Variants in PCDHGA2 observed in about 807,000 individuals in gnomAD.
The protein encoded by PCDHGA2 is protocadherin gamma-A2.
PCDHGA2 carries 40 observed loss-of-function variants against 59.2 expected under a neutral mutation model. The observed-to-expected ratio is 0.68, with a 90% CI of 0.52 to 0.88. The LOEUF (loss-of-function observed/expected upper bound fraction) is 0.88. Among genes scored for constraint, PCDHGA2 ranks in the 40% least tolerant of loss-of-function variants. The probability of loss-of-function intolerance (pLI) is 0.00; values close to 1 mark genes in which losing one functional copy is unlikely to be tolerated. For missense variants in PCDHGA2, 1,226 were observed against 1,204.0 expected (o/e 1.02, Z -0.27); for synonymous variants, 560 against 526.0 (o/e 1.06, Z -0.89).
In PCDHGA2 at chr5:141,364,151, G is replaced by T. The variant is rs1285824596; in HGVS notation, c.2424+22756G>T. The T allele has an allele frequency of 1.1e-5, 6 of 558,010 alleles. No individual in the cohort carries two copies. The African/African-American group carries it at 1.2e-4, about 11-fold the overall frequency. 34.6% of individuals were successfully genotyped at this position (558,010 alleles called of 1,614,324 possible). ...TGTTGACCAAAGTGGGAAAGAAGCT[G>T]CCGCAGAGGCGACCCGACTCTGCTC... On this transcript the variant is annotated intron_variant, in intron 1 of 3. Transcript: ENST00000394576.
At chr5:141,390,405 T>C in intron 1 of PCDHGA2, 1 of 1,264,524 alleles carries the variant, frequency 7.9e-7, no homozygotes, top group Non-Finnish European at 1.1e-6. Flanking sequence ...TTTAGGAAAG[T>C]TGTAGTCAGT....
In PCDHGA2 at chr5:141,400,400, C is replaced by T. The variant is rs375490385; in HGVS notation, c.2424+59005C>T. On this transcript the variant is annotated intron_variant, in intron 1 of 3. Coordinates refer to ENST00000394576, the MANE Select transcript of PCDHGA2 (RefSeq NM_018915.4). ...CTATGTGTTGCACATACAGGAAAGA[C>T]GGAGTTTAATTTCCTAAAATGTAGT... 65 of 1,614,000 alleles carry T rather than the reference C, an allele frequency of 4.0e-5. No individual in the cohort carries two copies. Among genetic ancestry groups the T allele is most frequent in the South Asian group, 3.8e-4 (35 of 91,078 alleles).
chr5:141,346,227 T>C, intron 1 of PCDHGA2: 1 of 1,614,224 alleles, frequency 6.2e-7, no homozygotes, highest in Non-Finnish European at 8.5e-7. Flanking sequence ...GGGAGGCGGC[T>C]TGGCGAGTAC....
chr5:141,461,040 G>A (rs536064886), intron 1 of PCDHGA2, among the ~76,000 whole-genome samples: 123 of 150,514 alleles, frequency 8.2e-4, no homozygotes, highest in East Asian at 2.5e-3. Flanking sequence ...CTCATTAGTC[G>A]ATGGGGACTT....
At position 141,339,989 on chromosome 5, in the gene PCDHGA2, G is replaced by A. The variant is rs144241311; in HGVS notation, c.1018G>A (p.Val340Met). Reference sequence around the variant, plus strand: ...GAAGGTTATCGTCACGGTTCTGGATGTGAATGACAATGCCCCAGAATTTTA... The same window carrying A: ...GAAGGTTATCGTCACGGTTCTGGATATGAATGACAATGCCCCAGAATTTTA... ...RAKVIVTVLD[V>M]NDNAPEFYMT... The change falls in exon 1 of 4, where the codon GTG becomes ATG. Residue 340 changes from valine (V) to methionine (M), a missense_variant. Physicochemically the swap from Val to Met is conservative, Grantham distance 21. Transcript: ENST00000394576. 7.3e-4 allele frequency: 1,173 copies of A among 1,614,046 alleles called. 2 individuals carry two copies. Among genetic ancestry groups the A allele is most frequent in the Non-Finnish European group, 9.2e-4 (1,082 of 1,180,002 alleles).
At chr5:141,394,952 G>A (rs764724660) in intron 1 of PCDHGA2, 13 of 1,613,738 alleles carry the variant, frequency 8.1e-6, no homozygotes, top group African/African-American at 6.7e-5. Context: ...TGCTTCTGGG[G>A]CTCAGGCTGA....
chr5:141,388,785 G>T, intron 1 of PCDHGA2: 1 of 1,613,868 alleles, frequency 6.2e-7, no homozygotes, highest in South Asian at 1.1e-5. Context: ...GGAAATTACT[G>T]TTTTAAATAC....
Position 141,375,615 on chromosome 5 carries a change from C to G in PCDHGA2, c.2424+34220C>G, listed in dbSNP as rs778578584. Reference sequence around the variant, plus strand: ...TCCTACGTGTCCATCAACTCCGACACTGGGATTCTGTACGCCCTGCGCTCC... The same window carrying G: ...TCCTACGTGTCCATCAACTCCGACAGTGGGATTCTGTACGCCCTGCGCTCC... On this transcript the variant is annotated intron_variant, in intron 1 of 3. Coordinates refer to ENST00000394576, the MANE Select transcript of PCDHGA2 (RefSeq NM_018915.4). The G allele has an allele frequency of 6.8e-6, 11 of 1,614,124 alleles. No homozygotes were observed. In the South Asian group the frequency reaches 1.2e-4, roughly 18 times the overall value.
intron 1 of PCDHGA2, chr5:141,383,159 C>G (rs769758778): frequency 2.6e-5 from 42 of 1,613,986 alleles, no homozygotes; most frequent in Non-Finnish European, 3.5e-5. Flanking sequence ...TTGGTCACTG[C>G]GGGCAGGATA....
chr5:141,403,547 G>T (rs940508173), intron 1 of PCDHGA2: 8 of 1,613,888 alleles, frequency 5.0e-6, no homozygotes, highest in African/African-American at 1.3e-5. Flanking sequence ...GCTGGAGCGC[G>T]CCCTGGACAG....
intron 1 of PCDHGA2, among the ~76,000 whole-genome samples, chr5:141,466,506 G>A (rs1417729031): frequency 6.6e-6 from 1 of 152,156 alleles, no homozygotes; most frequent in Non-Finnish European, 1.5e-5. Context: ...GCACAGACAA[G>A]ATCATTTTTT....
At chr5:141,501,290 TACACACACACACACACACACACACAC>T (rs55762287) in intron 2 of PCDHGA2, among the ~76,000 whole-genome samples, 1 of 136,164 alleles carries the variant, frequency 7.3e-6, no homozygotes, top group Non-Finnish European at 1.6e-5. Flanking sequence ...TATTCCCTTA[TACACACACACACACACACACACACAC>T]ACACACACAC....
intron 2 of PCDHGA2, among the ~76,000 whole-genome samples, chr5:141,500,023 G>C (rs1393994881): frequency 1.3e-5 from 2 of 151,754 alleles, no homozygotes; most frequent in Admixed American, 6.6e-5. Flanking sequence ...TTTTATATTT[G>C]AGTGAGTGTC....
chr5:141,377,666 T>C (rs1416026384), intron 1 of PCDHGA2: 1 of 152,116 alleles, frequency 6.6e-6, no homozygotes, highest in Admixed American at 6.5e-5. Context: ...ACGACAGACG[T>C]TCATACAAGA....
Position 141,486,219 on chromosome 5 carries a change from A to G in PCDHGA2, c.2425-8588A>G. 1 of 1,614,134 alleles carries G rather than the reference A, an allele frequency of 6.2e-7. No individual in the cohort carries two copies. Among genetic ancestry groups the G allele is most frequent in the African/African-American group, 1.3e-5 (1 of 75,042 alleles). ...CTGGACGTAAATGACAATGCCCCTT[A>G]CATCACAGTGACCTCAGAGCTTGGA... On this transcript the variant is annotated intron_variant, in intron 1 of 3. Transcript: ENST00000394576. This position sits in a 1 kb window ranked among gnomAD's most constrained non-coding sequence, Gnocchi z 5.0.
rs368925514 is a variant in PCDHGA2, at chr5:141,352,224, C to A, written c.2424+10829C>A. The A allele has an allele frequency of 2.0e-4, 321 of 1,613,974 alleles. No homozygotes were observed. Among genetic ancestry groups the A allele is most frequent in the Non-Finnish European group, 2.7e-4 (316 of 1,179,916 alleles). ...CAGCCGCCACTCTCCGCCACCGCCA[C>A]GCTGCACCTAATCTTCGCGGATAGC... On this transcript the variant is annotated intron_variant, in intron 1 of 3. Coordinates refer to ENST00000394576, the MANE Select transcript of PCDHGA2 (RefSeq NM_018915.4).
chr5:141,426,711 G>C, intron 1 of PCDHGA2: 1 of 444,496 alleles, frequency 2.2e-6, no homozygotes, highest in Non-Finnish European at 4.6e-6. Flanking sequence ...ACAAATCAAT[G>C]AACTAGCAAT....
At chr5:141,413,267 GA>G in intron 1 of PCDHGA2, 1 of 1,613,960 alleles carries the variant, frequency 6.2e-7, no homozygotes, top group Non-Finnish European at 8.5e-7. Flanking sequence ...TGGGAGGCTG[GA>G]GCCCGGCAGA....
chr5:141,392,929 C>G, intron 1 of PCDHGA2: 2 of 1,613,888 alleles, frequency 1.2e-6, no homozygotes, highest in Non-Finnish European at 1.7e-6. Context: ...CCAGAAGAGA[C>G]GGACAAAGGC....
Sources: allele counts gnomAD v4.1 joint callset (sites outside exome capture counted in the v4.1 genomes callset), GRCh38; gene constraint gnomAD v4.1.1; non-coding constraint Gnocchi (gnomAD v3.1); transcripts MANE v1.5; gene names NCBI Gene and HGNC (gene_info 2026-07-23, HGNC 2026-07-21).